NEK10: variants seen among roughly 807,000 people sequenced by gnomAD.
NEK10 encodes NIMA related kinase 10, also known as serine/threonine-protein kinase Nek10.
NEK10 carries 122 observed loss-of-function variants against 159.8 expected under a neutral mutation model. The observed-to-expected ratio is 0.76, with a 90% CI of 0.66 to 0.89. NEK10 has a LOEUF of 0.89. NEK10 is among the 40% of genes least tolerant of loss of function. The pLI, the probability that NEK10 is intolerant of heterozygous loss-of-function variation, is 0.00. For synonymous variants in NEK10, 466 were observed against 457.1 expected (o/e 1.02, Z -0.25); for missense variants, 1,342 against 1,323.1 (o/e 1.01, Z -0.22).
intron 3 of NEK10, among the ~76,000 whole-genome samples, chr3:27,350,682 T>C (rs934536962): frequency 3.9e-5 from 6 of 152,134 alleles, no homozygotes; most frequent in African/African-American, 1.4e-4. Flanking sequence ...CCACAACAGA[T>C]TGCAAATTTG....
intron 26 of NEK10, among the ~76,000 whole-genome samples, chr3:27,187,575 A>C (rs1948736407): frequency 1.3e-5 from 2 of 152,120 alleles, no homozygotes; most frequent in Non-Finnish European, 2.9e-5. Flanking sequence ...AATGAGGAAG[A>C]GTATTCAAAG....
intron 22 of NEK10, among the ~76,000 whole-genome samples, chr3:27,264,892 CTAAA>C (rs147191294): frequency 0.43 from 61,500 of 142,854 alleles, 14,043 homozygotes; most frequent in East Asian, 0.62. Context: ...GAAAATCAGT[CTAAA>C]TAAATAAATA....
intron 20 of NEK10, among the ~76,000 whole-genome samples, chr3:27,286,219 G>A (rs1488896546): frequency 2.0e-5 from 3 of 150,202 alleles, no homozygotes; most frequent in Admixed American, 2.0e-4. Context: ...CCAAGTAGCT[G>A]GGACTACAGG....
intron 23 of NEK10, among the ~76,000 whole-genome samples, chr3:27,204,303 T>G (rs1245740123): frequency 1.2e-4 from 6 of 51,278 alleles, no homozygotes; most frequent in African/African-American, 8.8e-4. Flanking sequence ...TTGTTGTTGT[T>G]TTTTTTTTTT....
chr3:27,143,735 C>T (rs1276006519), intron 30 of NEK10, among the ~76,000 whole-genome samples: 1 of 152,130 alleles, frequency 6.6e-6, no homozygotes, highest in Non-Finnish European at 1.5e-5. Context: ...AGATTCAAGG[C>T]TCCCAGGAGC....
chr3:27,300,670 T>A (rs898441825), intron 13 of NEK10, among the ~76,000 whole-genome samples: 1 of 152,142 alleles, frequency 6.6e-6, no homozygotes, highest in Non-Finnish European at 1.5e-5. Context: ...ATTCCACATC[T>A]AAGTAACTGT....
chr3:27,127,625 TG>T (rs1388331554), intron 32 of NEK10, among the ~76,000 whole-genome samples: 4 of 152,194 alleles, frequency 2.6e-5, no homozygotes, highest in Non-Finnish European at 5.9e-5. Flanking sequence ...TATAATCTTG[TG>T]GGACCACTGT....
chr3:27,252,564 C>T (rs1203759128), intron 23 of NEK10, among the ~76,000 whole-genome samples: 1 of 152,190 alleles, frequency 6.6e-6, no homozygotes, highest in East Asian at 1.9e-4. Context: ...AGACTTAGGA[C>T]TGCTGGGGAT....
chr3:27,193,472 G>A (rs1949288431), intron 25 of NEK10, among the ~76,000 whole-genome samples: 1 of 151,868 alleles, frequency 6.6e-6, no homozygotes. Context: ...CTCTTGAACT[G>A]GCCCTTAACT....
rs766067040 is a variant in NEK10 at position 27,308,964 on chromosome 3, T to C, written c.678A>G (p.Leu226=). The change falls in exon 10 of 36, where the codon CTA becomes CTG. Residue 226 remains leucine, a synonymous_variant. Transcript: ENST00000691995. ...NLLGARDTNV[L]LGSLLALASL... ...TAGCCAGAGCCAGAAGGGAACCCAA[T>C]AGAACATTAGTATCTCGGGCACCAA... The C allele has an allele frequency of 9.4e-6, 15 of 1,600,712 alleles. No individual in the cohort carries two copies. The South Asian group carries it at 1.1e-4, about 12-fold the overall frequency.
chr3:27,128,626 C>A (rs1365003815), intron 32 of NEK10, among the ~76,000 whole-genome samples: 1 of 142,762 alleles, frequency 7.0e-6, no homozygotes, highest in African/African-American at 2.5e-5. Flanking sequence ...CAAAGGTAAC[C>A]AATGAGGGAT....
intron 30 of NEK10, among the ~76,000 whole-genome samples, chr3:27,157,501 C>T (rs1430952591): frequency 6.6e-6 from 1 of 152,078 alleles, no homozygotes; most frequent in Non-Finnish European, 1.5e-5. Context: ...GACTGAATTG[C>T]TGCAGTCTCA....
intron 26 of NEK10, among the ~76,000 whole-genome samples, chr3:27,182,241 T>C (rs977710701): frequency 1.3e-5 from 2 of 152,184 alleles, no homozygotes; most frequent in African/African-American, 4.8e-5. Context: ...GCATATGTTA[T>C]GTGGTAAAGC....
At position 27,292,222 on chromosome 3, in the gene NEK10, A is replaced by G. The variant is rs564433896; in HGVS notation, c.1374-636T>C. Among the ~76,000 whole-genome samples the G allele has an allele frequency of 1.2e-4, 18 of 152,298 alleles. No individual in the cohort carries two copies. The East Asian group carries it at 2.9e-3, about 24-fold the overall frequency. ...TTTTTACCATAATTTAAAATTAGAT[A>G]TGATACAGATTATACAAAAATCTTA... On this transcript the variant is annotated intron_variant, in intron 16 of 35. Transcript: ENST00000691995.
intron 23 of NEK10, among the ~76,000 whole-genome samples, chr3:27,231,665 T>G (rs1241485896): frequency 6.6e-6 from 1 of 151,730 alleles, no homozygotes; most frequent in African/African-American, 2.4e-5. Context: ...CTGGAGACAT[T>G]ACAACCAATA....
At chr3:27,192,644 A>G (rs977161758) in intron 25 of NEK10, among the ~76,000 whole-genome samples, 1 of 151,844 alleles carries the variant, frequency 6.6e-6, no homozygotes, top group Non-Finnish European at 1.5e-5. Flanking sequence ...ATTAGTGTGG[A>G]TATTCTAAAT....
intron 30 of NEK10, among the ~76,000 whole-genome samples, chr3:27,144,909 A>T (rs945913522): frequency 2.6e-5 from 4 of 152,062 alleles, no homozygotes; most frequent in Non-Finnish European, 4.4e-5. Flanking sequence ...TTTAGTAGAG[A>T]CAGGGTTTCA....
intron 7 of NEK10, 96 bp downstream of exon 7, chr3:27,314,201 T>C (rs1355941279): frequency 2.4e-6 from 2 of 850,288 alleles, no homozygotes; most frequent in Non-Finnish European, 2.0e-6. Context: ...CAGCATAACA[T>C]AGGAAAGCCA....
intron 5 of NEK10, among the ~76,000 whole-genome samples, chr3:27,340,150 A>G (rs188576272): frequency 6.6e-6 from 1 of 152,382 alleles, no homozygotes; most frequent in Admixed American, 6.5e-5. Flanking sequence ...GATGTGGCAC[A>G]TATACACCAT....
Sources: gnomAD v4.1 joint callset for allele counts (sites outside exome capture counted in the v4.1 genomes callset) on GRCh38, gnomAD v4.1.1 for gene constraint, MANE v1.5 for transcripts, NCBI Gene and HGNC (gene_info 2026-07-23, HGNC 2026-07-21) for gene names.